DCDC2: variants seen among roughly 807,000 people sequenced by gnomAD.
DCDC2 encodes doublecortin domain containing 2.
Under a neutral mutation model 50.2 loss-of-function variants are expected in DCDC2, and 40 were observed. The observed-to-expected ratio is 0.80, with a 90% CI of 0.62 to 1.04. The LOEUF is 1.04. DCDC2 is among the 50% of genes least tolerant of loss of function. DCDC2 has a pLI of 0.00. For missense variants in DCDC2, 570 were observed against 581.9 expected, an observed-to-expected ratio of 0.98 and a Z score of 0.21; for synonymous variants, 234 against 210.6, an observed-to-expected ratio of 1.11 and a Z score of -0.96.
At chr6:24,256,645 G>T (rs367987495) in intron 7 of DCDC2, among the ~76,000 whole-genome samples, 2 of 152,056 alleles carry the variant, frequency 1.3e-5, no homozygotes, top group African/African-American at 4.8e-5. Flanking sequence ...GCTAACAATT[G>T]TCCCTTTATA....
chr6:24,191,209 C>T (rs1288927592), intron 8 of DCDC2, among the ~76,000 whole-genome samples: 7 of 152,106 alleles, frequency 4.6e-5, no homozygotes, highest in Non-Finnish European at 1.0e-4. Flanking sequence ...CATATTTTAT[C>T]GTATATGGAA....
chr6:24,326,675 T>C (rs181373357), intron 2 of DCDC2, among the ~76,000 whole-genome samples: 2 of 148,376 alleles, frequency 1.3e-5, no homozygotes, highest in African/African-American at 4.9e-5. Context: ...TGGGCAACAA[T>C]GGCAAAAATC....
chr6:24,300,810 G>A (rs76981336), intron 4 of DCDC2, among the ~76,000 whole-genome samples: 4,056 of 152,060 alleles, frequency 0.027, 99 homozygotes, highest in African/African-American at 0.066. Context: ...CCCATCTGAC[G>A]GAAAATAAAT....
At chr6:24,309,866 A>G (rs1759540925) in intron 2 of DCDC2, among the ~76,000 whole-genome samples, 1 of 152,186 alleles carries the variant, frequency 6.6e-6, no homozygotes, top group African/African-American at 2.4e-5. Flanking sequence ...ATGGTGGCCC[A>G]TGCCCATAAT....
At chr6:24,349,499 C>T (rs979854636) in intron 2 of DCDC2, among the ~76,000 whole-genome samples, 3 of 152,168 alleles carry the variant, frequency 2.0e-5, no homozygotes, top group Admixed American at 1.3e-4. Flanking sequence ...AAAGGCATCA[C>T]ACATGCAGAA....
chr6:24,290,289 G>A lies in DCDC2; in HGVS notation c.704+643C>T, dbSNP rs1009014946. On this transcript the variant is annotated intron_variant, in intron 5 of 9. Transcript: ENST00000378454. ...ATTACAGGCGTGAGCCACCGCGCCC[G>A]GCCCAGAGCTCTTCTTGAGTGACTC... 5.3e-5 allele frequency among the ~76,000 whole-genome samples: 8 copies of A among 152,064 alleles called. No individual in the cohort carries two copies. The East Asian group carries it at 1.2e-3, about 22-fold the overall frequency.
At chr6:24,381,235 G>A in the DCDC2 span, among the ~76,000 whole-genome samples, 1 of 152,162 alleles carries the variant, frequency 6.6e-6, no homozygotes, top group Non-Finnish European at 1.5e-5. Flanking sequence ...GCATTTGTAT[G>A]TGTGGTGAGA....
chr6:24,200,266 T>TG (rs1233599794), intron 8 of DCDC2, among the ~76,000 whole-genome samples: 1 of 152,076 alleles, frequency 6.6e-6, no homozygotes, highest in Non-Finnish European at 1.5e-5. Context: ...GAGAGAAAGG[T>TG]GGGGTGATCC....
At chr6:24,237,619 T>G (rs1277936338) in intron 7 of DCDC2, among the ~76,000 whole-genome samples, 1 of 152,196 alleles carries the variant, frequency 6.6e-6, no homozygotes, top group East Asian at 1.9e-4. Context: ...CATATGTACT[T>G]GTATGTTCAT....
chr6:24,243,162 A>C (rs1762600834), intron 7 of DCDC2, among the ~76,000 whole-genome samples: 1 of 152,222 alleles, frequency 6.6e-6, no homozygotes, highest in Admixed American at 6.5e-5. Context: ...AACAAGCTAA[A>C]CCTGTCAGTA....
chr6:24,219,780 C>G (rs1001660110), intron 7 of DCDC2, among the ~76,000 whole-genome samples: 6 of 152,164 alleles, frequency 3.9e-5, no homozygotes, highest in African/African-American at 1.4e-4. Context: ...AAAACTGGAG[C>G]AGGCTCATGA....
chr6:24,191,078 A>G (rs975326999), intron 8 of DCDC2, among the ~76,000 whole-genome samples: 32 of 152,202 alleles, frequency 2.1e-4, no homozygotes, highest in African/African-American at 7.5e-4. Flanking sequence ...CAATGGCAAA[A>G]TAAGAAGCTT....
chr6:24,304,762 C>T (rs1759440465), intron 2 of DCDC2, among the ~76,000 whole-genome samples: 1 of 152,130 alleles, frequency 6.6e-6, no homozygotes, highest in Admixed American at 6.5e-5. Flanking sequence ...AATAATTTAT[C>T]ATGGAGATTG....
At chr6:24,266,615 T>C (rs1454212939) in intron 7 of DCDC2, among the ~76,000 whole-genome samples, 7 of 152,108 alleles carry the variant, frequency 4.6e-5, no homozygotes, top group African/African-American at 9.7e-5. Flanking sequence ...AACACTACAA[T>C]TGAGACATCA....
At chr6:24,198,828 G>A (rs1180020307) in intron 8 of DCDC2, among the ~76,000 whole-genome samples, 1 of 152,158 alleles carries the variant, frequency 6.6e-6, no homozygotes, top group South Asian at 2.1e-4. Context: ...TGGGGGGAGG[G>A]ATGTCTGCCA....
At chr6:24,242,679 T>C (rs901354444) in intron 7 of DCDC2, among the ~76,000 whole-genome samples, 10 of 152,050 alleles carry the variant, frequency 6.6e-5, no homozygotes, top group Non-Finnish European at 1.3e-4. Context: ...GGAAGAAAGA[T>C]GGTTGGGCAT....
At chr6:24,291,937 T>C (rs1313546651) in intron 4 of DCDC2, among the ~76,000 whole-genome samples, 1 of 151,968 alleles carries the variant, frequency 6.6e-6, no homozygotes, top group Non-Finnish European at 1.5e-5. Context: ...GGGCAGGAGG[T>C]AAAAGAACCC....
the DCDC2 span, among the ~76,000 whole-genome samples, chr6:24,377,117 C>G: frequency 0.54 from 81,513 of 152,080 alleles, 23,960 homozygotes; most frequent in East Asian, 0.8. Flanking sequence ...GGTCTTCAAC[C>G]ACAGCCAAAT....
At chr6:24,208,091 T>C (rs938720428) in intron 7 of DCDC2, among the ~76,000 whole-genome samples, 1 of 152,166 alleles carries the variant, frequency 6.6e-6, no homozygotes, top group Non-Finnish European at 1.5e-5. Flanking sequence ...ATTTCGATCA[T>C]TTTCATCAAA....
Sources: allele counts gnomAD v4.1 joint callset (sites outside exome capture counted in the v4.1 genomes callset), GRCh38; gene constraint gnomAD v4.1.1; transcripts MANE v1.5; gene names NCBI Gene and HGNC (gene_info 2026-07-23, HGNC 2026-07-21).